The following DTHD1 variants were observed in gnomAD, a reference collection of about 807,000 sequenced individuals.
The protein encoded by DTHD1 is death domain containing 1.
In DTHD1, 59 loss-of-function variants were observed where a neutral mutation model predicts 74.8. The observed-to-expected ratio is 0.79, with a 90% CI of 0.64 to 0.98. The LOEUF (loss-of-function observed/expected upper bound fraction) is 0.98, where lower values mean the gene tolerates loss of function less well. Among genes scored for constraint, DTHD1 ranks in the 50% least tolerant of loss-of-function variants. The pLI is 0.00. For synonymous variants in DTHD1, 365 were observed against 371.1 expected, an observed-to-expected ratio of 0.98 and a Z score of 0.19; for missense variants, 1,051 against 1,065.4, an observed-to-expected ratio of 0.99 and a Z score of 0.19.
At chr4:36,290,274 C>A in intron 2 of DTHD1, 99 bp from the exon 3 acceptor site, 1 of 1,256,056 alleles carries the variant, frequency 8.0e-7, no homozygotes, top group Non-Finnish European at 1.1e-6. Flanking sequence ...GGAATTCACA[C>A]CAAGACAATG....
intron 8 of DTHD1, among the ~76,000 whole-genome samples, chr4:36,329,981 T>C (rs1432100190): frequency 6.6e-6 from 1 of 152,254 alleles, no homozygotes; most frequent in African/African-American, 2.4e-5. Flanking sequence ...TTTTAAAACG[T>C]ATTTATGTAG....
At chr4:36,343,040 C>G (rs1019685033) in intron 9 of DTHD1, among the ~76,000 whole-genome samples, 1 of 151,864 alleles carries the variant, frequency 6.6e-6, no homozygotes, top group African/African-American at 2.4e-5. Context: ...GCAGTGAGCC[C>G]AGCTCACACG....
At chr4:36,322,332 C>G (rs1465430827) in intron 8 of DTHD1, among the ~76,000 whole-genome samples, 1 of 152,048 alleles carries the variant, frequency 6.6e-6, no homozygotes, top group African/African-American at 2.4e-5. Context: ...ATAAATAGAA[C>G]TTGCATTTTA....
intron 8 of DTHD1, among the ~76,000 whole-genome samples, chr4:36,336,505 A>G (rs1759017602): frequency 6.6e-6 from 1 of 152,204 alleles, no homozygotes; most frequent in African/African-American, 2.4e-5. Flanking sequence ...AGCACGCAGG[A>G]GTCATGCAGG....
chr4:36,294,879 A>G lies in DTHD1; in HGVS notation c.1483A>G (p.Ile495Val), dbSNP rs1353322798. ...CTCAGTCCAATCCACAAGCCCTCTG[A>G]TTCACATTCAGCACCCATCAACTTA... Reference protein sequence around the residue: ...FYSVQSTSPLIHIQHPSTYPF... With the variant: ...FYSVQSTSPLVHIQHPSTYPF... Residue 495 changes from isoleucine (I) to valine (V), a missense_variant, in exon 5 of 10, where the codon ATT becomes GTT. Physicochemically the swap from Ile to Val is conservative, Grantham distance 29. Transcript: ENST00000639862. 6.4e-7 allele frequency: 1 copy of G among 1,551,828 alleles called. No homozygotes were observed. Among genetic ancestry groups the G allele is most frequent in the Non-Finnish European group, 8.7e-7 (1 of 1,146,804 alleles).
chr4:36,306,321 G>T lies in DTHD1; in HGVS notation c.1774G>T (p.Val592Leu), dbSNP rs1019232421. 2 of 1,550,854 alleles carry T rather than the reference G, an allele frequency of 1.3e-6. No homozygotes were observed. The highest frequency in any genetic ancestry group is 1.7e-6 in the Non-Finnish European group (2 of 1,146,582). Residue 592 changes from valine (V) to leucine (L), a missense_variant, in exon 6 of 10, where the codon GTA becomes TTA. By Grantham distance (32) the Val-to-Leu change is conservative (BLOSUM62 1). Coordinates refer to ENST00000639862, the MANE Select transcript of DTHD1 (RefSeq NM_001170700.3). The part of the protein sequence containing the change: ...DVVKTIQSGL[V>L]SVELYEHLER... ...TGTGAAAACCATACAGAGCGGCTTG[G>T]TATCAGTTGAATTGTATGAACATTT...
At chr4:36,314,936 G>C (rs1757628393) in intron 7 of DTHD1, among the ~76,000 whole-genome samples, 1 of 151,856 alleles carries the variant, frequency 6.6e-6, no homozygotes, top group Non-Finnish European at 1.5e-5. Flanking sequence ...TATTTCTCCT[G>C]TTCTAAGGGT....
At chr4:36,316,130 T>A in intron 7 of DTHD1, 112 bp from the exon 8 acceptor site, 2 of 970,754 alleles carry the variant, frequency 2.1e-6, no homozygotes, top group Non-Finnish European at 2.9e-6. Flanking sequence ...AGAGACGGGG[T>A]TTCACCATGT....
chr4:36,312,248 C>T (rs1424559597), intron 7 of DTHD1, among the ~76,000 whole-genome samples: 1 of 151,242 alleles, frequency 6.6e-6, no homozygotes, highest in Non-Finnish European at 1.5e-5. Flanking sequence ...TCTAGTAATG[C>T]CCTGTGAGGT....
intron 8 of DTHD1, among the ~76,000 whole-genome samples, chr4:36,331,310 A>G (rs1381984358): frequency 1.3e-5 from 2 of 152,144 alleles, no homozygotes; most frequent in East Asian, 1.9e-4. Context: ...TACATTATAA[A>G]CAAGTTATGA....
rs1578459835 is a variant in DTHD1 at position 36,308,487 on chromosome 4, G to T, written c.2089G>T (p.Ala697Ser). The T allele has an allele frequency of 6.5e-7, 1 of 1,549,140 alleles. No homozygotes were observed. The highest frequency in any genetic ancestry group is 8.7e-7 in the Non-Finnish European group (1 of 1,145,638). ...TTTAAGATTTACTGGAAACATATTT[G>T]CTTCAAGTAAGTATAAAGAAATCTT... ...LLLRFTGNIF[A>S]SSNGKDYGKD... The change falls in exon 7 of 10, where the codon GCT (alanine) becomes TCT (serine). Residue 697 changes from alanine (A) to serine (S), a missense_variant. Ala to Ser is a moderately conservative substitution (Grantham distance 99). Transcript: ENST00000639862.
chr4:36,345,530 C>G lies in DTHD1; in HGVS notation c.*1706C>G, dbSNP rs1340155086. The G allele has an allele frequency of 1.3e-5, 2 of 152,214 alleles. No individual in the cohort carries two copies. The highest frequency in any genetic ancestry group is 3.9e-4 in the East Asian group (2 of 5,192). 9.4% of individuals were successfully genotyped at this position (152,214 alleles called of 1,614,324 possible). The stretch of plus-strand genomic sequence containing the variant: ...CGCAAGACTTCCTTCTACAAATTAA[C>G]CAGGGATTTAGATATCTATTCAGGT... On this transcript the variant is annotated 3_prime_UTR_variant, in exon 10 of 10. Coordinates refer to ENST00000639862, the MANE Select transcript of DTHD1 (RefSeq NM_001170700.3).
chr4:36,317,846 A>T (rs570907901), intron 8 of DTHD1, among the ~76,000 whole-genome samples: 40 of 152,320 alleles, frequency 2.6e-4, no homozygotes, highest in African/African-American at 8.2e-4. Context: ...AACCAGTAGA[A>T]GTTTTGTGGT....
At chr4:36,298,478 G>GTGGAT (rs1756575844) in intron 5 of DTHD1, among the ~76,000 whole-genome samples, 1 of 152,056 alleles carries the variant, frequency 6.6e-6, no homozygotes, top group Admixed American at 6.6e-5. Context: ...TTTCCATCTA[G>GTGGAT]TGGAGCATAA....
In DTHD1 at chr4:36,284,378, A is replaced by C; in HGVS notation, c.674A>C (p.Glu225Ala). The change falls in exon 2 of 10, where the codon GAA (glutamate) becomes GCA (alanine). Residue 225 changes from glutamate to alanine, a missense_variant. Transcript: ENST00000639862. ...GAAAATGAAGATGATAAACAAATAG[A>C]ACACATGACTGTTGAGAACATAAAT... ...NAENEDDKQIEHMTVENINGN... is the reference protein window; with the variant it reads ...NAENEDDKQIAHMTVENINGN... The C allele has an allele frequency of 6.5e-7, 1 of 1,537,184 alleles. No individual in the cohort carries two copies. Among genetic ancestry groups the C allele is most frequent in the Non-Finnish European group, 8.7e-7 (1 of 1,146,860 alleles).
In DTHD1 at chr4:36,344,004, G is replaced by C. The variant is rs957849778; in HGVS notation, c.*180G>C. On this transcript the variant is annotated 3_prime_UTR_variant, in exon 10 of 10. Coordinates refer to ENST00000639862, the MANE Select transcript of DTHD1 (RefSeq NM_001170700.3). ...GATCAGATAATAGAAAGCATTCCTG[G>C]GTGTGAGCGCTCCTCTCTGGTTGAG... 2 of 641,208 alleles carry C rather than the reference G, an allele frequency of 3.1e-6. No homozygotes were observed. Among genetic ancestry groups the C allele is most frequent in the East Asian group, 5.7e-5 (2 of 35,154 alleles). The allele number at this position is 641,208 out of a possible 1,614,324, so 39.7% of individuals were successfully genotyped here. A position where few individuals can be genotyped will look rare whatever the true frequency, so the allele number is the denominator to read the frequency against.
intron 8 of DTHD1, chr4:36,332,750 T>G (rs1399500083): frequency 6.6e-6 from 1 of 152,212 alleles, no homozygotes; most frequent in African/African-American, 2.4e-5. Context: ...CACTTGATCC[T>G]TGATATTGCA....
chr4:36,316,250 A>T lies in DTHD1; in HGVS notation c.2104A>T (p.Lys702Ter). The change falls in exon 8 of 10, where the codon AAG becomes TAG. Residue 702 changes from lysine to a stop codon, truncating the protein, a stop_gained. Transcript: ENST00000639862. LOFTEE classifies it high-confidence loss of function. Reference sequence around the variant, plus strand: ...ATTTTACTTCTATTTAGGCAACGGGAAGGATTATGGAAAAGACTACACACT... The same window carrying T: ...ATTTTACTTCTATTTAGGCAACGGGTAGGATTATGGAAAAGACTACACACT... Reference protein sequence around the residue: ...TGNIFASSNGKDYGKDYTLIF... With the variant: ...TGNIFASSNG 4 of 1,549,874 alleles carry T rather than the reference A, an allele frequency of 2.6e-6. No individual in the cohort carries two copies. Among genetic ancestry groups the T allele is most frequent in the Non-Finnish European group, 3.5e-6 (4 of 1,146,590 alleles).
At chr4:36,332,121 G>T (rs1758716594) in intron 8 of DTHD1, among the ~76,000 whole-genome samples, 1 of 151,920 alleles carries the variant, frequency 6.6e-6, no homozygotes, top group Admixed American at 6.6e-5. Context: ...GGAGGCAGAG[G>T]TTGCAGTGAG....
Sources: gnomAD v4.1 joint callset for allele counts (sites outside exome capture counted in the v4.1 genomes callset) on GRCh38, gnomAD v4.1.1 for gene constraint, MANE v1.5 for transcripts, NCBI Gene and HGNC (gene_info 2026-07-23, HGNC 2026-07-21) for gene names.